Variants in NEK11 observed in about 807,000 individuals in gnomAD.
NEK11 encodes the protein NIMA related kinase 11.
Under a neutral mutation model 80.7 loss-of-function variants are expected in NEK11, and 72 were observed. The observed-to-expected ratio is 0.89, with a 90% CI of 0.74 to 1.08. NEK11 has a LOEUF of 1.08. Ranked by LOEUF, NEK11 falls within the 50% of genes least tolerant of loss-of-function variation. NEK11 has a pLI of 0.00. For synonymous variants in NEK11, 251 were observed against 260.7 expected, an observed-to-expected ratio of 0.96 and a Z score of 0.36; for missense variants, 764 against 763.6, an observed-to-expected ratio of 1.00 and a Z score of -0.01.
At chr3:131,304,172 A>T (rs916766008) in intron 17 of NEK11, among the ~76,000 whole-genome samples, 1 of 151,766 alleles carries the variant, frequency 6.6e-6, no homozygotes. Context: ...GAGCTTTGAA[A>T]TTTTTTCCAC....
intron 7 of NEK11, among the ~76,000 whole-genome samples, chr3:131,151,392 T>G (rs1184806592): frequency 1.3e-5 from 2 of 152,072 alleles, no homozygotes; most frequent in South Asian, 2.1e-4. Flanking sequence ...ATATTCTCAG[T>G]GTACATATCC....
intron 17 of NEK11, among the ~76,000 whole-genome samples, chr3:131,333,108 T>A (rs2097121818): frequency 6.6e-6 from 1 of 152,040 alleles, no homozygotes; most frequent in African/African-American, 2.4e-5. Context: ...ATTCAGGAAA[T>A]ACAGAGAACA....
intron 16 of NEK11, among the ~76,000 whole-genome samples, chr3:131,251,739 C>T (rs1026910551): frequency 6.6e-6 from 1 of 152,064 alleles, no homozygotes; most frequent in African/African-American, 2.4e-5. Flanking sequence ...CCCCTTAACC[C>T]TTCTACTGCT....
intron 17 of NEK11, among the ~76,000 whole-genome samples, chr3:131,292,116 C>T (rs898737824): frequency 7.9e-5 from 12 of 152,110 alleles, no homozygotes; most frequent in Non-Finnish European, 1.8e-4. Flanking sequence ...AGGTCTGTGC[C>T]GAGATTCAAT....
chr3:131,096,977 C>T (rs2077536993), intron 4 of NEK11, among the ~76,000 whole-genome samples: 1 of 148,434 alleles, frequency 6.7e-6, no homozygotes, highest in South Asian at 2.1e-4. Context: ...TGAGTGAGAA[C>T]ATGCGGTGTT....
chr3:131,044,422 CAAAAAAAAAAAA>C (rs57412173), intron 3 of NEK11, among the ~76,000 whole-genome samples: 47 of 37,766 alleles, frequency 1.2e-3, no homozygotes, highest in African/African-American at 6.9e-3. Context: ...AAATGGAAAG[CAAAAAAAAAAAA>C]AAAAAAAAAG....
At chr3:131,345,328 C>T (rs79011550) in intron 17 of NEK11, among the ~76,000 whole-genome samples, 2 of 152,236 alleles carry the variant, frequency 1.3e-5, no homozygotes, top group African/African-American at 2.4e-5. Flanking sequence ...TTTATAAAAA[C>T]TCTTACAACT....
At chr3:131,168,983 T>C in intron 13 of NEK11, 46 bp downstream of exon 13, 1 of 1,445,044 alleles carries the variant, frequency 6.9e-7, no homozygotes, top group South Asian at 1.2e-5. Context: ...GCAGGTTTAA[T>C]GATATCCAGA....
intron 5 of NEK11, 44 bp downstream of exon 5, chr3:131,109,965 G>C (rs746841270): frequency 1.3e-6 from 2 of 1,542,208 alleles, no homozygotes; most frequent in South Asian, 1.3e-5. Context: ...ATTTTTAACA[G>C]TCATGTTTGA....
At chr3:131,092,089 A>G (rs1285567754) in intron 4 of NEK11, among the ~76,000 whole-genome samples, 1 of 152,258 alleles carries the variant, frequency 6.6e-6, no homozygotes, top group Non-Finnish European at 1.5e-5. Context: ...GCTTCAGGCC[A>G]AATTTAAGTT....
chr3:131,209,785 G>C (rs767809457), intron 14 of NEK11, among the ~76,000 whole-genome samples: 1 of 152,134 alleles, frequency 6.6e-6, no homozygotes, highest in African/African-American at 2.4e-5. Context: ...GGTGTTTATA[G>C]TATCCTCTGA....
At chr3:131,115,109 A>G (rs1286863499) in intron 5 of NEK11, among the ~76,000 whole-genome samples, 3 of 152,234 alleles carry the variant, frequency 2.0e-5, no homozygotes, top group Non-Finnish European at 4.4e-5. Flanking sequence ...TGCCCTCCAC[A>G]GTGTGGGCAG....
chr3:131,343,323 TAG>T lies in NEK11; in HGVS notation c.1719-6231_1719-6230del. ...GAGGCCAGGATCCAGAGCACTCAGG[TAG>T]AGTTTTGTCTTTGATAGGAGCAGGG... On this transcript the variant is annotated intron_variant, in intron 17 of 17. Transcript: ENST00000383366. Among the ~76,000 whole-genome samples, 8 of 152,208 alleles carry T rather than the reference TAG, an allele frequency of 5.3e-5. 2 individuals are homozygous for T. The highest frequency in any genetic ancestry group is 5.2e-4 in the Admixed American group (8 of 15,284).
chr3:131,149,767 G>T (rs2089255332), intron 7 of NEK11, among the ~76,000 whole-genome samples: 1 of 151,510 alleles, frequency 6.6e-6, no homozygotes, highest in Non-Finnish European at 1.5e-5. Context: ...TGATTTTCTT[G>T]ATCAGCCTTG....
At chr3:131,192,617 A>G (rs922222855) in intron 14 of NEK11, among the ~76,000 whole-genome samples, 13 of 152,206 alleles carry the variant, frequency 8.5e-5, no homozygotes, top group Non-Finnish European at 1.9e-4. Flanking sequence ...AAAGGAAGAA[A>G]ATTCTGATAC....
intron 17 of NEK11, chr3:131,330,141 A>T (rs2097051640): frequency 6.6e-6 from 1 of 152,224 alleles, no homozygotes; most frequent in South Asian, 2.1e-4. Context: ...AATTGATCTG[A>T]TTATGAAAGG....
chr3:131,059,901 G>T (rs950014609), intron 3 of NEK11, among the ~76,000 whole-genome samples: 1 of 152,200 alleles, frequency 6.6e-6, no homozygotes, highest in Non-Finnish European at 1.5e-5. Context: ...GTTATAAATA[G>T]GTTGTATGCT....
intron 5 of NEK11, among the ~76,000 whole-genome samples, chr3:131,112,521 T>C (rs1251071041): frequency 1.3e-5 from 2 of 152,200 alleles, no homozygotes; most frequent in Non-Finnish European, 2.9e-5. Flanking sequence ...TGTTGATATA[T>C]ATGTAAAAAA....
At chr3:131,157,925 C>A (rs1281822631) in intron 10 of NEK11, among the ~76,000 whole-genome samples, 1 of 152,136 alleles carries the variant, frequency 6.6e-6, no homozygotes, top group Non-Finnish European at 1.5e-5. Flanking sequence ...AGCACACCAG[C>A]TGATGTGAAG....
Sources: gnomAD v4.1 joint callset for allele counts (sites outside exome capture counted in the v4.1 genomes callset) on GRCh38, gnomAD v4.1.1 for gene constraint, MANE v1.5 for transcripts, NCBI Gene and HGNC (gene_info 2026-07-23, HGNC 2026-07-21) for gene names.